Variants in NFIA observed in about 807,000 individuals in gnomAD.
NFIA encodes nuclear factor I A.
In NFIA, 8 loss-of-function variants were observed where a neutral mutation model predicts 62.8. The observed-to-expected ratio is 0.13, with a 90% CI of 0.07 to 0.23. The LOEUF (loss-of-function observed/expected upper bound fraction) is 0.23, where lower values mean the gene tolerates loss of function less well. Among genes scored for constraint, NFIA ranks in the 10% least tolerant of loss-of-function variants. NFIA has a pLI of 1.00. For missense variants in NFIA, 410 were observed against 642.1 expected (o/e 0.64, Z 3.91); for synonymous variants, 235 against 238.1 (o/e 0.99, Z 0.12).
chr1:61,423,242 T>TAAA (rs11420345), intron 9 of NFIA, among the ~76,000 whole-genome samples: 1 of 143,474 alleles, frequency 7.0e-6, no homozygotes. Flanking sequence ...AAATGGCTGC[T>TAAA]AAAAAAAAAA....
rs150448367 is a variant in NFIA, at chr1:61,419,342, G to A, written c.1421-7123G>A. On this transcript the variant is annotated intron_variant, in intron 9 of 10. Transcript: ENST00000403491. ...GCACGTGCTTGTAGTCCTAACTACC[G>A]GAAAAGCTGAGGTGGGAAGATCACT... Among the ~76,000 whole-genome samples the A allele has an allele frequency of 1.2e-4, 18 of 152,224 alleles. No individual in the cohort carries two copies. The East Asian group carries it at 2.9e-3, about 24-fold the overall frequency.
chr1:61,357,433 T>A (rs1461319354), intron 5 of NFIA, among the ~76,000 whole-genome samples: 1 of 152,182 alleles, frequency 6.6e-6, no homozygotes, highest in Non-Finnish European at 1.5e-5. Context: ...CAATGACAGT[T>A]TGCCCATTGA....
intron 6 of NFIA, among the ~76,000 whole-genome samples, chr1:61,363,563 C>A (rs1663417411): frequency 6.7e-6 from 1 of 149,598 alleles, no homozygotes; most frequent in Non-Finnish European, 1.5e-5. Context: ...GAGATCGTGC[C>A]ATTGCACTCC....
At chr1:61,293,196 G>A (rs1206305005) in intron 3 of NFIA, among the ~76,000 whole-genome samples, 1 of 152,090 alleles carries the variant, frequency 6.6e-6, no homozygotes, top group Non-Finnish European at 1.5e-5. Context: ...GCCTCTCCTT[G>A]TTCTTCTTTA....
intron 2 of NFIA, among the ~76,000 whole-genome samples, chr1:61,182,575 C>G (rs908198388): frequency 2.0e-5 from 3 of 152,006 alleles, no homozygotes; most frequent in Admixed American, 1.3e-4. Flanking sequence ...GACGTAAAAT[C>G]TTTATTTTCA....
chr1:61,109,747 ATTAT>A (rs1178365734), intron 2 of NFIA, among the ~76,000 whole-genome samples: 1 of 151,918 alleles, frequency 6.6e-6, no homozygotes, highest in Non-Finnish European at 1.5e-5. Context: ...TCATGTGAAG[ATTAT>A]TTATAATAGT....
chr1:61,383,122 C>T, intron 6 of NFIA, 115 bp from the exon 7 acceptor site: 1 of 1,312,414 alleles, frequency 7.6e-7, no homozygotes, highest in Non-Finnish European at 1.1e-6. Context: ...CTTTTTCATT[C>T]ACAGGTGGAT....
At chr1:61,343,032 T>C (rs1169619699) in intron 4 of NFIA, among the ~76,000 whole-genome samples, 2 of 152,254 alleles carry the variant, frequency 1.3e-5, no homozygotes, top group African/African-American at 4.8e-5. Context: ...ATATTAGCTC[T>C]TAGCTATTTT....
intron 2 of NFIA, among the ~76,000 whole-genome samples, chr1:61,255,711 A>G (rs1411020583): frequency 1.3e-5 from 2 of 152,234 alleles, no homozygotes; most frequent in Non-Finnish European, 2.9e-5. Flanking sequence ...TTGGTCTTCA[A>G]GTCACCTTGG....
chr1:61,181,213 T>C (rs1439916495), intron 2 of NFIA, among the ~76,000 whole-genome samples: 1 of 152,198 alleles, frequency 6.6e-6, no homozygotes, highest in Non-Finnish European at 1.5e-5. Flanking sequence ...GCAAATGAAT[T>C]AGACTGGCAA....
At chr1:61,090,427 T>G (rs1252329390) in intron 2 of NFIA, among the ~76,000 whole-genome samples, 3 of 152,218 alleles carry the variant, frequency 2.0e-5, no homozygotes, top group Non-Finnish European at 4.4e-5. Flanking sequence ...TGTGAAGTTT[T>G]TGTCGGTGTA....
At chr1:61,096,153 A>G (rs571746214) in intron 2 of NFIA, among the ~76,000 whole-genome samples, 3 of 152,216 alleles carry the variant, frequency 2.0e-5, no homozygotes, top group Admixed American at 6.6e-5. Flanking sequence ...TAGGAAAAAA[A>G]TTGAAGATGG....
chr1:61,240,096 A>G (rs1655254109), intron 2 of NFIA, among the ~76,000 whole-genome samples: 1 of 152,134 alleles, frequency 6.6e-6, no homozygotes, highest in Non-Finnish European at 1.5e-5. Context: ...TTTCTACGTG[A>G]TGTTCTAATT....
intron 2 of NFIA, among the ~76,000 whole-genome samples, chr1:61,196,930 T>C (rs867850351): frequency 5.6e-5 from 6 of 107,820 alleles, no homozygotes; most frequent in African/African-American, 1.3e-4. Context: ...TGTGTGTGTG[T>C]GTGTGTGTGT....
intron 6 of NFIA, among the ~76,000 whole-genome samples, chr1:61,378,298 A>G (rs977684172): frequency 6.6e-6 from 1 of 152,204 alleles, no homozygotes; most frequent in Admixed American, 6.5e-5. Context: ...ATGTTTCTCG[A>G]AAGAATCAGG....
At chr1:61,122,940 A>G (rs928362013) in intron 2 of NFIA, among the ~76,000 whole-genome samples, 2 of 152,086 alleles carry the variant, frequency 1.3e-5, no homozygotes, top group African/African-American at 4.8e-5. Context: ...CAAGCTCTTC[A>G]TTTCTACTCA....
chr1:61,077,375 C>G (rs909835150), upstream of NFIA: 5 of 376,132 alleles, frequency 1.3e-5, no homozygotes, highest in Admixed American at 1.3e-4. Flanking sequence ...AGCGAGCGAG[C>G]GAGCGAGAGC....
At chr1:61,158,765 A>C (rs1342051543) in intron 2 of NFIA, among the ~76,000 whole-genome samples, 1 of 152,198 alleles carries the variant, frequency 6.6e-6, no homozygotes, top group African/African-American at 2.4e-5. Context: ...TCTGTATAAC[A>C]CTTCCTGTAT....
chr1:61,255,213 C>T (rs1315992955), intron 2 of NFIA, among the ~76,000 whole-genome samples: 2 of 152,128 alleles, frequency 1.3e-5, no homozygotes, highest in Non-Finnish European at 2.9e-5. Context: ...ACCACAAAAC[C>T]ATCCACCAAT....
Sources: gnomAD v4.1 joint callset for allele counts (sites outside exome capture counted in the v4.1 genomes callset) on GRCh38, gnomAD v4.1.1 for gene constraint, MANE v1.5 for transcripts, NCBI Gene and HGNC (gene_info 2026-07-23, HGNC 2026-07-21) for gene names.